The following ZCWPW2 variants were observed in gnomAD, a reference collection of about 807,000 sequenced individuals.
ZCWPW2 encodes the protein zinc finger CW-type and PWWP domain containing 2, also known as zinc finger CW-type PWWP domain protein 2.
In ZCWPW2, 45 loss-of-function variants were observed where a neutral mutation model predicts 46.6. The observed-to-expected ratio is 0.96, with a 90% confidence interval of 0.76 to 1.24. ZCWPW2 has a LOEUF of 1.24. Among genes scored for constraint, ZCWPW2 ranks in the 50% most tolerant of loss-of-function variants. The pLI is 0.00. For synonymous variants in ZCWPW2, 152 were observed against 137.1 expected, an observed-to-expected ratio of 1.11 and a Z score of -0.76; for missense variants, 429 against 403.9, an observed-to-expected ratio of 1.06 and a Z score of -0.53.
intron 9 of ZCWPW2, among the ~76,000 whole-genome samples, chr3:28,523,126 G>C (rs1025724286): frequency 2.0e-5 from 3 of 152,116 alleles, no homozygotes; most frequent in Non-Finnish European, 4.4e-5. Flanking sequence ...ACTGCTTGTT[G>C]TTTTAGATTG....
intron 5 of ZCWPW2, among the ~76,000 whole-genome samples, chr3:28,487,789 C>T (rs1442991253): frequency 6.6e-6 from 1 of 152,116 alleles, no homozygotes; most frequent in East Asian, 1.9e-4. Context: ...GATAAAGTCT[C>T]AGTCCTAGGC....
intron 1 of ZCWPW2, among the ~76,000 whole-genome samples, chr3:28,383,724 T>A (rs770751460): frequency 5.9e-5 from 9 of 152,068 alleles, no homozygotes; most frequent in Non-Finnish European, 1.2e-4. Flanking sequence ...ATTCTAAAAT[T>A]TTCATTAAAA....
intron 1 of ZCWPW2, among the ~76,000 whole-genome samples, chr3:28,361,887 G>T (rs771761290): frequency 6.6e-6 from 1 of 152,048 alleles, no homozygotes; most frequent in Non-Finnish European, 1.5e-5. Flanking sequence ...TGTTGGTGAG[G>T]ATGTGGAGAA....
intron 2 of ZCWPW2, among the ~76,000 whole-genome samples, chr3:28,390,926 A>G (rs1249233436): frequency 6.6e-6 from 1 of 152,136 alleles, no homozygotes; most frequent in Non-Finnish European, 1.5e-5. Flanking sequence ...GCCAAAGGGA[A>G]TTCATATCTG....
chr3:28,515,823 A>T (rs531666820), intron 8 of ZCWPW2, among the ~76,000 whole-genome samples: 7 of 150,612 alleles, frequency 4.6e-5, no homozygotes, highest in Non-Finnish European at 8.8e-5. Context: ...ATACACATAT[A>T]TATGAGAAAT....
At chr3:28,484,093 A>C (rs1699515899) in intron 5 of ZCWPW2, among the ~76,000 whole-genome samples, 1 of 151,974 alleles carries the variant, frequency 6.6e-6, no homozygotes, top group Admixed American at 6.6e-5. Context: ...TTACCATTAA[A>C]TATGATACTA....
intron 4 of ZCWPW2, among the ~76,000 whole-genome samples, chr3:28,472,633 G>A (rs1033286830): frequency 7.2e-5 from 11 of 152,054 alleles, no homozygotes; most frequent in African/African-American, 2.7e-4. Flanking sequence ...AGAAAACTTT[G>A]GGGAAACTCA....
At chr3:28,460,166 TC>T (rs1377822978) in intron 4 of ZCWPW2, among the ~76,000 whole-genome samples, 1 of 152,154 alleles carries the variant, frequency 6.6e-6, no homozygotes, top group Non-Finnish European at 1.5e-5. Flanking sequence ...ATTATTTTTC[TC>T]TGGCTAATTT....
At chr3:28,465,360 A>G (rs988015357) in intron 4 of ZCWPW2, among the ~76,000 whole-genome samples, 16 of 152,174 alleles carry the variant, frequency 1.1e-4, no homozygotes, top group African/African-American at 3.9e-4. Flanking sequence ...TTTCTTGTCA[A>G]TCCAGAAGCC....
At chr3:28,478,964 A>G in intron 5 of ZCWPW2, 33 bp downstream of exon 5, 36 of 1,369,260 alleles carry the variant, frequency 2.6e-5, no homozygotes, top group Non-Finnish European at 3.5e-5. Flanking sequence ...TTACTCTGAA[A>G]TAAGGATTTA....
At chr3:28,401,309 A>G (rs1190620446) in intron 2 of ZCWPW2, among the ~76,000 whole-genome samples, 1 of 152,210 alleles carries the variant, frequency 6.6e-6, no homozygotes, top group Non-Finnish European at 1.5e-5. Flanking sequence ...TAAATGCTCC[A>G]CTTAAGAGAT....
intron 1 of ZCWPW2, among the ~76,000 whole-genome samples, chr3:28,388,287 G>A (rs1235315745): frequency 2.0e-5 from 3 of 152,034 alleles, no homozygotes; most frequent in African/African-American, 7.2e-5. Context: ...GGGCTCTGTG[G>A]CCTAGCCAAA....
At chr3:28,414,588 C>T (rs1458139099) in intron 3 of ZCWPW2, among the ~76,000 whole-genome samples, 5 of 137,742 alleles carry the variant, frequency 3.6e-5, no homozygotes, top group African/African-American at 1.1e-4. Context: ...GGTATATCTC[C>T]GAATGCTATC....
intron 1 of ZCWPW2, among the ~76,000 whole-genome samples, chr3:28,351,324 G>T (rs2125683834): frequency 6.6e-6 from 1 of 150,636 alleles, no homozygotes; most frequent in Admixed American, 6.6e-5. Flanking sequence ...CCAATTCCAA[G>T]ATCTAGATGT....
At chr3:28,522,967 T>A (rs1383644288) in intron 9 of ZCWPW2, among the ~76,000 whole-genome samples, 1 of 152,176 alleles carries the variant, frequency 6.6e-6, no homozygotes, top group African/African-American at 2.4e-5. Context: ...GCCAGATTGA[T>A]CTTTATAGCG....
chr3:28,521,297 A>G (rs1700717042), intron 9 of ZCWPW2, among the ~76,000 whole-genome samples, 181 bp downstream of exon 9: 1 of 152,212 alleles, frequency 6.6e-6, no homozygotes, highest in Non-Finnish European at 1.5e-5. Flanking sequence ...AAACACATCT[A>G]TCAGGATTTG....
At chr3:28,393,785 C>T (rs1307192927) in intron 2 of ZCWPW2, among the ~76,000 whole-genome samples, 1 of 152,048 alleles carries the variant, frequency 6.6e-6, no homozygotes, top group East Asian at 1.9e-4. Flanking sequence ...AAGGAATGCA[C>T]TTCAACATCA....
At chr3:28,432,451 A>T (rs1697300376) in intron 3 of ZCWPW2, among the ~76,000 whole-genome samples, 1 of 152,188 alleles carries the variant, frequency 6.6e-6, no homozygotes, top group Admixed American at 6.5e-5. Context: ...TTAGGTATGC[A>T]TATTTTATAT....
intron 1 of ZCWPW2, among the ~76,000 whole-genome samples, chr3:28,374,414 G>A (rs952730091): frequency 2.6e-5 from 4 of 152,150 alleles, no homozygotes; most frequent in Non-Finnish European, 5.9e-5. Flanking sequence ...CTCAGGTAAT[G>A]TGACGCTGCC....
Sources: allele counts gnomAD v4.1 joint callset (sites outside exome capture counted in the v4.1 genomes callset), GRCh38; gene constraint gnomAD v4.1.1; transcripts MANE v1.5; gene names NCBI Gene and HGNC (gene_info 2026-07-23, HGNC 2026-07-21).